The following AKAP12 variants were observed in gnomAD, a reference collection of about 807,000 sequenced individuals.
AKAP12 encodes the protein A-kinase anchor protein 12.
A neutral mutation model predicts 79.9 loss-of-function variants in AKAP12; 32 were observed. The observed-to-expected ratio is 0.40, with a 90% CI of 0.30 to 0.54. AKAP12 has a LOEUF of 0.54. Among genes scored for constraint, AKAP12 ranks in the 20% least tolerant of loss-of-function variants. AKAP12 has a pLI of 0.48. For missense variants in AKAP12, 2,074 were observed against 2,177.0 expected (o/e 0.95, Z 0.94); for synonymous variants, 808 against 857.0 (o/e 0.94, Z 1.00).
At chr6:151,324,112 CA>C in intron 3 of AKAP12, 1 of 985,396 alleles carries the variant, frequency 1.0e-6, no homozygotes, top group East Asian at 1.1e-4. Context: ...CAGCATTTCA[CA>C]CACACCAGCC....
At chr6:151,327,953 A>G (rs1240829846) in intron 3 of AKAP12, among the ~76,000 whole-genome samples, 1 of 152,226 alleles carries the variant, frequency 6.6e-6, no homozygotes, top group African/African-American at 2.4e-5. Flanking sequence ...TTGCTCCGCA[A>G]GTTATTCTGA....
At chr6:151,328,562 G>T (rs1777591012) in intron 3 of AKAP12, among the ~76,000 whole-genome samples, 1 of 151,236 alleles carries the variant, frequency 6.6e-6, no homozygotes, top group Non-Finnish European at 1.5e-5. Flanking sequence ...GCTTGAACCT[G>T]GGAGGCAGAG....
At chr6:151,269,215 A>AT in intron 2 of AKAP12, among the ~76,000 whole-genome samples, 1 of 152,092 alleles carries the variant, frequency 6.6e-6, no homozygotes, top group East Asian at 1.9e-4. Context: ...GCTGTAGCCC[A>AT]TTAGTAACGG....
chr6:151,311,092 C>G (rs1464230424), intron 3 of AKAP12, among the ~76,000 whole-genome samples: 1 of 152,110 alleles, frequency 6.6e-6, no homozygotes, highest in African/African-American at 2.4e-5. Flanking sequence ...CTCAGCCTTC[C>G]CAGTAGTTAA....
intron 4 of AKAP12, among the ~76,000 whole-genome samples, chr6:151,354,934 C>T (rs1778406185): frequency 6.6e-6 from 1 of 151,898 alleles, no homozygotes; most frequent in South Asian, 2.1e-4. Context: ...TCCTGCCTCA[C>T]CCTCCCAAAG....
intron 3 of AKAP12, among the ~76,000 whole-genome samples, chr6:151,311,660 A>C (rs1305243048): frequency 6.6e-6 from 1 of 152,220 alleles, no homozygotes; most frequent in African/African-American, 2.4e-5. Flanking sequence ...AGTAACAAAT[A>C]CAACACTTTA....
Position 151,349,868 on chromosome 6 carries a change from C to G in AKAP12, c.1477C>G (p.Pro493Ala), listed in dbSNP as rs1314057682. The G allele has an allele frequency of 1.2e-6, 2 of 1,614,110 alleles. No homozygotes were observed. The highest frequency in any genetic ancestry group is 1.7e-5 in the Admixed American group (1 of 60,010). The change falls in exon 4 of 5, where the codon CCC becomes GCC. Residue 493 changes from proline to alanine, a missense_variant. By Grantham distance (27) the Pro-to-Ala change is conservative. Coordinates refer to ENST00000402676, the MANE Select transcript of AKAP12 (RefSeq NM_005100.4). ...SPDEKVLSKP[P>A]EGVVSEVEML... ...TGATGAGAAGGTGCTGTCCAAACCC[C>G]CCGAAGGCGTTGTGAGTGAGGTGGA...
chr6:151,299,358 TCTACAG>T (rs376560519), intron 2 of AKAP12, among the ~76,000 whole-genome samples: 25 of 152,288 alleles, frequency 1.6e-4, no homozygotes, highest in African/African-American at 5.3e-4. Context: ...TATTTTCACT[TCTACAG>T]TGATAAAGTG....
intron 2 of AKAP12, among the ~76,000 whole-genome samples, chr6:151,249,541 CAG>C (rs991867030): frequency 2.0e-5 from 3 of 152,278 alleles, no homozygotes; most frequent in Middle Eastern, 3.4e-3. Context: ...ACTGGGGAAA[CAG>C]AAGTTCAGTT....
intron 3 of AKAP12, among the ~76,000 whole-genome samples, chr6:151,341,108 G>A (rs190514227): frequency 5.8e-4 from 87 of 149,544 alleles, no homozygotes; most frequent in African/African-American, 2.0e-3. Context: ...CTGGAATGCA[G>A]TGGCACGATC....
chr6:151,329,034 G>A (rs925922197), intron 3 of AKAP12, among the ~76,000 whole-genome samples: 4 of 152,064 alleles, frequency 2.6e-5, no homozygotes, highest in African/African-American at 7.2e-5. Context: ...TTTGCAATAA[G>A]TTAGCTTTGA....
intron 2 of AKAP12, among the ~76,000 whole-genome samples, chr6:151,269,866 G>A (rs943184284): frequency 6.6e-5 from 10 of 152,090 alleles, no homozygotes; most frequent in Non-Finnish European, 1.0e-4. Flanking sequence ...CCCAGTAGCC[G>A]TCACTCTGCA....
At chr6:151,338,671 G>C (rs1680390168) in intron 3 of AKAP12, among the ~76,000 whole-genome samples, 1 of 152,164 alleles carries the variant, frequency 6.6e-6, no homozygotes, top group East Asian at 1.9e-4. Flanking sequence ...GGCTGGTCTC[G>C]AACTCCTGAC....
intron 2 of AKAP12, among the ~76,000 whole-genome samples, chr6:151,291,232 C>T (rs946465403): frequency 1.3e-5 from 2 of 152,126 alleles, no homozygotes; most frequent in African/African-American, 2.4e-5. Flanking sequence ...GAGATTCTGA[C>T]TTAATTGGGT....
chr6:151,258,621 T>C (rs1311585638), intron 2 of AKAP12, among the ~76,000 whole-genome samples: 1 of 152,154 alleles, frequency 6.6e-6, no homozygotes, highest in African/African-American at 2.4e-5. Context: ...TTAATAAATA[T>C]CTACTAAACT....
intron 3 of AKAP12, among the ~76,000 whole-genome samples, chr6:151,345,893 A>ATG (rs1485991559): frequency 2.3e-4 from 19 of 82,388 alleles, no homozygotes; most frequent in East Asian, 1.9e-3. Flanking sequence ...ATGTGTGTGT[A>ATG]TATGTGTGTG....
intron 2 of AKAP12, among the ~76,000 whole-genome samples, chr6:151,261,055 T>C (rs1306032579): frequency 6.6e-6 from 1 of 152,052 alleles, no homozygotes; most frequent in East Asian, 1.9e-4. Context: ...TCCCTTATCC[T>C]TCACTCCTCA....
chr6:151,285,155 A>G (rs572452566), intron 2 of AKAP12, among the ~76,000 whole-genome samples: 2 of 152,310 alleles, frequency 1.3e-5, no homozygotes, highest in East Asian at 1.9e-4. Context: ...TTACATATCA[A>G]AGCAAATATA....
chr6:151,345,739 G>T (rs1390069115), intron 3 of AKAP12, among the ~76,000 whole-genome samples: 1 of 150,908 alleles, frequency 6.6e-6, no homozygotes, highest in Non-Finnish European at 1.5e-5. Context: ...GGAGGTTGCA[G>T]TGAGCCCAGA....
Sources: gnomAD v4.1 joint callset for allele counts (sites outside exome capture counted in the v4.1 genomes callset) on GRCh38, gnomAD v4.1.1 for gene constraint, MANE v1.5 for transcripts, NCBI Gene and HGNC (gene_info 2026-07-23, HGNC 2026-07-21) for gene names.